EIF3A: variants seen among roughly 807,000 people sequenced by gnomAD.
The protein encoded by EIF3A is EIF3, p180 subunit.
In EIF3A, 21 loss-of-function variants were observed where a neutral mutation model predicts 186.6. The ratio of observed to expected loss-of-function variants is 0.11; its 90% CI spans 0.08 to 0.16. EIF3A has a LOEUF of 0.16. Among genes scored for constraint, EIF3A ranks in the 10% least tolerant of loss-of-function variants. The pLI is 1.00. For missense variants in EIF3A, 1,306 were observed against 1,796.3 expected, an observed-to-expected ratio of 0.73 and a Z score of 4.93; for synonymous variants, 563 against 584.3, an observed-to-expected ratio of 0.96 and a Z score of 0.52.
intron 17 of EIF3A, among the ~76,000 whole-genome samples, chr10:119,048,942 T>C (rs759471307): frequency 2.6e-5 from 4 of 152,138 alleles, no homozygotes; most frequent in Non-Finnish European, 5.9e-5. Flanking sequence ...CTGGGAATTA[T>C]AGGCATGAGC....
At chr10:119,056,881 T>C (rs748775998) in intron 13 of EIF3A, 28 bp from the exon 14 acceptor site, 1 of 1,596,194 alleles carries the variant, frequency 6.3e-7, no homozygotes, top group Admixed American at 1.7e-5. Flanking sequence ...ACACGTAGTT[T>C]TAAAAAATCT....
intron 6 of EIF3A, among the ~76,000 whole-genome samples, chr10:119,066,641 A>C (rs1211605021): frequency 6.6e-6 from 1 of 151,826 alleles, no homozygotes; most frequent in Non-Finnish European, 1.5e-5. Flanking sequence ...ACCAGGAGCT[A>C]AATTTTCACA....
At position 119,042,935 on chromosome 10, in the gene EIF3A, C is replaced by T. The variant is rs550379716; in HGVS notation, c.2748-163G>A. Among the ~76,000 whole-genome samples, 10 of 151,904 alleles carry T rather than the reference C, an allele frequency of 6.6e-5. No homozygotes were observed. Among genetic ancestry groups the T allele is most frequent in the African/African-American group, 2.4e-4 (10 of 41,424 alleles). On this transcript the variant is annotated intron_variant, in intron 18 of 21. Coordinates refer to ENST00000369144, the MANE Select transcript of EIF3A (RefSeq NM_003750.4). The surrounding 1 kb of genome is among the most constrained non-coding windows in gnomAD (Gnocchi z 7.8). ...TGGGAAGCAGAGGCAGGCAGATCAC[C>T]TGAGGTCAGGAGTTCAAGACCAGCC...
chr10:119,051,831 G>C (rs1259339286), intron 14 of EIF3A, among the ~76,000 whole-genome samples: 1 of 152,164 alleles, frequency 6.6e-6, no homozygotes, highest in Middle Eastern at 3.2e-3. Context: ...AGGAGTGCAA[G>C]ATCAGCCTGG....
intron 8 of EIF3A, 136 bp downstream of exon 8, chr10:119,061,084 TAAAG>T (rs1843877494): frequency 5.3e-6 from 3 of 570,936 alleles, no homozygotes; most frequent in South Asian, 2.6e-5. Context: ...TCTCTTGAAA[TAAAG>T]AAAAAAGACA....
Position 119,037,316 on chromosome 10 carries a change from C to T in EIF3A, c.3729-7G>A. 1 of 1,613,422 alleles carries T rather than the reference C, an allele frequency of 6.2e-7. No individual in the cohort carries two copies. Among genetic ancestry groups the T allele is most frequent in the South Asian group, 1.1e-5 (1 of 91,056 alleles). On this transcript the variant is annotated splice_polypyrimidine_tract_variant and splice_region_variant and intron_variant, in intron 20 of 21. Transcript: ENST00000369144. ...TCTCCAGCCACCTTCATCCCTGTAG[C>T]CATTTACAATGACAGGTCAGGTTCT...
At chr10:119,051,790 G>A (rs1848359831) in intron 14 of EIF3A, among the ~76,000 whole-genome samples, 1 of 152,166 alleles carries the variant, frequency 6.6e-6, no homozygotes. Context: ...AGATGCAGTA[G>A]TACGCTGAGG....
intron 9 of EIF3A, 119 bp downstream of exon 9, chr10:119,060,627 T>C: frequency 1.6e-6 from 1 of 611,740 alleles, no homozygotes; most frequent in South Asian, 2.4e-5. Context: ...AGACTAATTT[T>C]TGCCAGGGGC....
At chr10:119,043,834 C>A (rs1446950275) in intron 18 of EIF3A, among the ~76,000 whole-genome samples, 1 of 151,922 alleles carries the variant, frequency 6.6e-6, no homozygotes, top group Non-Finnish European at 1.5e-5. Context: ...GCACTTGAAC[C>A]CAGGAGGCAG....
rs573889266 is a variant in EIF3A at position 119,064,710 on chromosome 10, T to TTTTG, written c.1122+685_1122+688dup. On this transcript the variant is annotated intron_variant, in intron 7 of 21. Coordinates refer to ENST00000369144, the MANE Select transcript of EIF3A (RefSeq NM_003750.4). Reference sequence around the variant, plus strand: ...AATTACCCAGTGTCAGGTACTTCTTTTTTGTTTGTTTGTTTGAAAAGGAGT... The same window carrying TTTTG: ...AATTACCCAGTGTCAGGTACTTCTTTTTTGTTTGTTTGTTTGTTTGAAAAGGAGT... Among the ~76,000 whole-genome samples the TTTTG allele has an allele frequency of 2.1e-3, 313 of 152,222 alleles. 2 individuals are homozygous for TTTTG. The highest frequency in any genetic ancestry group is 7.2e-3 in the African/African-American group (300 of 41,520).
chr10:119,063,299 T>G (rs1843919876), intron 7 of EIF3A, among the ~76,000 whole-genome samples: 1 of 152,150 alleles, frequency 6.6e-6, no homozygotes, highest in Non-Finnish European at 1.5e-5. Context: ...AAAAAGCTGC[T>G]CTGCAGGAAC....
intron 1 of EIF3A, chr10:119,080,295 T>C: frequency 1.0e-6 from 1 of 984,898 alleles, no homozygotes; most frequent in Non-Finnish European, 1.2e-6. Context: ...CCCAGGGACC[T>C]GGAGAGCCAG....
chr10:119,067,704 T>TA (rs1463210113), intron 6 of EIF3A, among the ~76,000 whole-genome samples: 18 of 152,238 alleles, frequency 1.2e-4, no homozygotes, highest in Admixed American at 1.1e-3. Flanking sequence ...TGCTCTAAAA[T>TA]AGTTTTACAT....
At position 119,069,580 on chromosome 10, in the gene EIF3A, C is replaced by A. The variant is rs1336258163; in HGVS notation, c.816G>T (p.Met272Ile). 1 of 1,598,466 alleles carries A rather than the reference C, an allele frequency of 6.3e-7. No homozygotes were observed. Among genetic ancestry groups the A allele is most frequent in the East Asian group, 2.2e-5 (1 of 44,796 alleles). ...LSKKPPKPQL[M>I]ANYYNKVSTV... is the part of the protein sequence containing the mutation. ...TTGAGACTTTGTTATAGTAATTTGC[C>A]ATCAACTGAGGTTTAGGTGGTTTTT... Residue 272 changes from methionine (M) to isoleucine (I), a missense_variant, in exon 6 of 22, where the codon ATG (methionine) becomes ATT (isoleucine). Physicochemically the swap from Met to Ile is conservative, Grantham distance 10 (BLOSUM62 1). Around this residue, in one of 8 missense-constraint regions of EIF3A, gnomAD observed 267 missense variants for 367.8 expected, o/e 0.73. Transcript: ENST00000369144.
intron 7 of EIF3A, 36 bp from the exon 8 acceptor site, chr10:119,061,364 G>T (rs1446874114): frequency 1.0e-6 from 1 of 960,582 alleles, no homozygotes; most frequent in Non-Finnish European, 1.6e-6. Context: ...AACTGCCAAA[G>T]GAAATTTTCC....
chr10:119,044,615 G>A (rs949690503), intron 17 of EIF3A, among the ~76,000 whole-genome samples: 11 of 152,328 alleles, frequency 7.2e-5, no homozygotes, highest in East Asian at 1.9e-4. Flanking sequence ...TTGGAAGGCC[G>A]AGGCAGGTGG....
intron 14 of EIF3A, among the ~76,000 whole-genome samples, chr10:119,051,627 T>A (rs1169675377): frequency 1.3e-5 from 2 of 152,162 alleles, no homozygotes; most frequent in African/African-American, 4.8e-5. Context: ...GCAGGTTTGG[T>A]TCTAGACCAC....
At chr10:119,036,475 A>G (rs1317214712) in intron 21 of EIF3A, among the ~76,000 whole-genome samples, 1 of 152,178 alleles carries the variant, frequency 6.6e-6, no homozygotes, top group Non-Finnish European at 1.5e-5. Flanking sequence ...ATGTACAGAT[A>G]AAACTCAAAA....
chr10:119,056,327 C>T (rs1353592388), intron 14 of EIF3A, among the ~76,000 whole-genome samples: 3 of 152,166 alleles, frequency 2.0e-5, no homozygotes, highest in Middle Eastern at 3.4e-3. Flanking sequence ...AGTAGTTTAG[C>T]GGTTGCCTAG....
Sources: gnomAD v4.1 joint callset for allele counts (sites outside exome capture counted in the v4.1 genomes callset) on GRCh38, gnomAD v4.1.1 for gene constraint, gnomAD v4.1.1 regional missense constraint, Gnocchi (gnomAD v3.1) non-coding constraint, MANE v1.5 for transcripts, NCBI Gene and HGNC (gene_info 2026-07-23, HGNC 2026-07-21) for gene names.